Variants in TTYH3 observed in about 807,000 individuals in gnomAD.
TTYH3 encodes protein tweety homolog 3.
TTYH3 carries 23 observed loss-of-function variants against 68.2 expected under a neutral mutation model. The ratio of observed to expected loss-of-function variants is 0.34; its 90% confidence interval spans 0.24 to 0.48. The LOEUF (loss-of-function observed/expected upper bound fraction) is 0.48. TTYH3 is among the 20% of genes least tolerant of loss of function. The pLI is 0.99. For missense variants in TTYH3, 768 were observed against 727.7 expected, an observed-to-expected ratio of 1.06 and a Z score of -0.64; for synonymous variants, 360 against 332.8, an observed-to-expected ratio of 1.08 and a Z score of -0.89.
chr7:2,637,120 C>G (rs869876), intron 1 of TTYH3, among the ~76,000 whole-genome samples: 56,506 of 151,994 alleles, frequency 0.37, 11,265 homozygotes, highest in African/African-American at 0.52. Flanking sequence ...CTGCCCCCCA[C>G]TCGCCTGAGA....
intron 7 of TTYH3, 137 bp downstream of exon 7, chr7:2,650,125 C>T: frequency 1.2e-6 from 1 of 804,774 alleles, no homozygotes; most frequent in Non-Finnish European, 2.0e-6. Context: ...GGCCAAGATG[C>T]TAGTGAGCAA....
chr7:2,649,156 C>G (rs1414116438), intron 5 of TTYH3, among the ~76,000 whole-genome samples: 2 of 152,052 alleles, frequency 1.3e-5, no homozygotes, highest in Non-Finnish European at 1.5e-5. Flanking sequence ...CTCTGAGTCC[C>G]CAGTTGCTGA....
intron 1 of TTYH3, among the ~76,000 whole-genome samples, chr7:2,642,537 C>CAAAAAAAA (rs34165282): frequency 1.2e-4 from 7 of 57,292 alleles, no homozygotes; most frequent in Admixed American, 2.2e-4. Flanking sequence ...GACTCTGTCT[C>CAAAAAAAA]AAAAAAAAAA....
chr7:2,654,130 C>T (rs77777374), intron 9 of TTYH3, among the ~76,000 whole-genome samples: 2,000 of 152,302 alleles, frequency 0.013, 35 homozygotes, highest in African/African-American at 0.046. Flanking sequence ...GCACGGCACT[C>T]ATGCCTGTCA....
intron 1 of TTYH3, among the ~76,000 whole-genome samples, chr7:2,636,650 TG>T (rs956328125): frequency 5.1e-4 from 77 of 152,092 alleles, no homozygotes; most frequent in African/African-American, 1.8e-3. Context: ...GACCCTGCAT[TG>T]GGGGGTGGAG....
chr7:2,635,156 AGCTGAGCTGGCAGGGCTGGGCCTGAG>A (rs1785624749), intron 1 of TTYH3, among the ~76,000 whole-genome samples: 1 of 152,182 alleles, frequency 6.6e-6, no homozygotes, highest in African/African-American at 2.4e-5. Flanking sequence ...GTGGCCCTGC[AGCTGAGCTGGCAGGGCTGGGCCTGAG>A]GCCTCTGGCG....
intron 1 of TTYH3, among the ~76,000 whole-genome samples, chr7:2,640,081 C>T (rs1273768911): frequency 6.6e-6 from 1 of 152,208 alleles, no homozygotes; most frequent in African/African-American, 2.4e-5. Context: ...AGGACACGGG[C>T]CCTATGTCTT....
At chr7:2,655,127 A>G (rs747801538) in intron 9 of TTYH3, among the ~76,000 whole-genome samples, 6 of 151,624 alleles carry the variant, frequency 4.0e-5, no homozygotes, top group Non-Finnish European at 8.8e-5. Context: ...AGGCTCTGTT[A>G]TCCCGAAATC....
intron 1 of TTYH3, among the ~76,000 whole-genome samples, chr7:2,635,445 G>A (rs936278766): frequency 1.3e-5 from 2 of 152,316 alleles, no homozygotes; most frequent in African/African-American, 4.8e-5. Flanking sequence ...CTCAGGCAGG[G>A]ATCAAGTTCA....
intron 1 of TTYH3, among the ~76,000 whole-genome samples, chr7:2,633,230 C>T (rs1304259017): frequency 1.3e-5 from 2 of 152,136 alleles, no homozygotes; most frequent in Non-Finnish European, 2.9e-5. Context: ...TCTCTCTGGA[C>T]GGATCATGGC....
At position 2,658,340 on chromosome 7, in the gene TTYH3, C is replaced by T. The variant is rs1224425061; in HGVS notation, c.1305C>T (p.His435=). ...CCGCTCCAGGGCCGCGGCAGGCGCA[C>T]GACAGCCTCTACCGCGTCCACATGC... ...EEAAPGPRQA[H]DSLYRVHMPS... is the part of the protein sequence containing the mutation. Residue 435 remains histidine (H), a synonymous_variant, in exon 12 of 14, where the codon CAC becomes CAT. Transcript: ENST00000258796. The T allele has an allele frequency of 3.7e-6, 6 of 1,606,480 alleles. No individual in the cohort carries two copies. The highest frequency in any genetic ancestry group is 1.7e-5 in the Admixed American group (1 of 59,316).
chr7:2,643,677 G>A (rs1339064876), intron 1 of TTYH3, among the ~76,000 whole-genome samples: 3 of 152,204 alleles, frequency 2.0e-5, no homozygotes, highest in South Asian at 2.1e-4. Flanking sequence ...CTCTGCCTCC[G>A]TTTTCTCATC....
intron 1 of TTYH3, among the ~76,000 whole-genome samples, chr7:2,642,306 C>A (rs1000463207): frequency 6.6e-6 from 1 of 152,048 alleles, no homozygotes; most frequent in Admixed American, 6.5e-5. Context: ...CTTTGGGGGA[C>A]CGAGATGGCA....
At chr7:2,640,819 C>G (rs1460555657) in intron 1 of TTYH3, among the ~76,000 whole-genome samples, 5 of 152,194 alleles carry the variant, frequency 3.3e-5, no homozygotes, top group Non-Finnish European at 7.4e-5. Context: ...CCTTGTGGCT[C>G]ACTGGGCCCT....
chr7:2,648,837 C>T (rs528565264), intron 5 of TTYH3, among the ~76,000 whole-genome samples: 18 of 147,950 alleles, frequency 1.2e-4, no homozygotes, highest in African/African-American at 4.0e-4. Context: ...GAGTAAGGGA[C>T]GCCTGGACAG....
chr7:2,635,720 A>G (rs972283329), intron 1 of TTYH3, among the ~76,000 whole-genome samples: 2 of 152,154 alleles, frequency 1.3e-5, no homozygotes, highest in African/African-American at 4.8e-5. Context: ...TGATGGTTTC[A>G]CTGGGACATC....
Position 2,647,992 on chromosome 7 carries a change from C to T in TTYH3, c.660C>T (p.Asp220=), listed in dbSNP as rs148966795. 46 of 1,610,578 alleles carry T rather than the reference C, an allele frequency of 2.9e-5. 1 individual carries two copies. The highest frequency in any genetic ancestry group is 3.3e-5 in the Non-Finnish European group (39 of 1,179,904). Residue 220 remains aspartate, a synonymous_variant, in exon 5 of 14, where the codon GAC becomes GAT. Coordinates refer to ENST00000258796, the MANE Select transcript of TTYH3 (RefSeq NM_025250.3). The part of the protein sequence containing the change: ...WLGYLGLLLL[D]VIICLLVLVG... ...GCTACCTGGGCCTGCTGCTGCTGGA[C>T]GTCATCATCTGCCTCCTGGTGCTGG...
rs1562713912 is a variant in TTYH3 at position 2,648,954 on chromosome 7, G to GTGGGGCCCGCAGTGGGGTA, written c.723-595_723-594insATGGGGCCCGCAGTGGGGT. Among the ~76,000 whole-genome samples, 12 of 140,212 alleles carry GTGGGGCCCGCAGTGGGGTA rather than the reference G, an allele frequency of 8.6e-5. 1 individual carries two copies. The highest frequency in any genetic ancestry group is 1.6e-4 in the Non-Finnish European group (10 of 63,456). The allele number at this position is 140,212 out of a possible 152,430, so 92.0% of individuals were successfully genotyped here. ...TGGGGTGTGGGGCCCGCAGTGGGGT[G>GTGGGGCCCGCAGTGGGGTA]TGGGGCCCGCAGTGGGGTGTGGGGC... On this transcript the variant is annotated intron_variant, in intron 5 of 13. Coordinates refer to ENST00000258796, the MANE Select transcript of TTYH3 (RefSeq NM_025250.3).
intron 6 of TTYH3, 122 bp downstream of exon 6, chr7:2,649,761 GACCC>G: frequency 1.4e-6 from 2 of 1,438,544 alleles, no homozygotes; most frequent in South Asian, 2.4e-5. Flanking sequence ...GAGCGGTGGG[GACCC>G]ACCATGGGCA....
Sources: allele counts gnomAD v4.1 joint callset (sites outside exome capture counted in the v4.1 genomes callset), GRCh38; gene constraint gnomAD v4.1.1; transcripts MANE v1.5; gene names NCBI Gene and HGNC (gene_info 2026-07-23, HGNC 2026-07-21).